The following BCAS3 variants were observed in gnomAD, a reference collection of about 807,000 sequenced individuals.
BCAS3 encodes BCAS3 microtubule associated cell migration factor.
BCAS3 carries 53 observed loss-of-function variants against 116.1 expected under a neutral mutation model. The observed-to-expected ratio is 0.46, with a 90% CI of 0.37 to 0.57. The LOEUF is 0.57. Among genes scored for constraint, BCAS3 ranks in the 20% least tolerant of loss-of-function variants. The pLI is 0.00. For synonymous variants in BCAS3, 391 were observed against 408.2 expected (o/e 0.96, Z 0.51); for missense variants, 917 against 1,165.4 (o/e 0.79, Z 3.10).
Position 61,204,750 on chromosome 17 carries a change from C to G in BCAS3, c.2425+120186C>G, listed in dbSNP as rs776043033. ...TTATTAATAAGCATTTAGAAAAACT[C>G]GACAAAAAATTAAAGAATTGGCCTG... On this transcript the variant is annotated intron_variant, in intron 22 of 23. Coordinates refer to ENST00000407086, the MANE Select transcript of BCAS3 (RefSeq NM_017679.5). This position sits in a 1 kb window ranked among gnomAD's most constrained non-coding sequence, Gnocchi z 4.2. 6.6e-6 allele frequency among the ~76,000 whole-genome samples: 1 copy of G among 151,724 alleles called. No individual in the cohort carries two copies.
chr17:61,065,862 G>A lies in BCAS3; in HGVS notation c.2030-9058G>A, dbSNP rs760024328. ...TGATTTTTCACTTATAAATCAGTGTGAGTTTTAAATTTATAATTAAACTTA... is the reference window on the plus strand; with the variant it reads ...TGATTTTTCACTTATAAATCAGTGTAAGTTTTAAATTTATAATTAAACTTA... On this transcript the variant is annotated intron_variant, in intron 19 of 23. Transcript: ENST00000407086. The surrounding 1 kb of genome is among the most constrained non-coding windows in gnomAD (Gnocchi z 4.8). Among the ~76,000 whole-genome samples, 10 of 152,088 alleles carry A rather than the reference G, an allele frequency of 6.6e-5. No homozygotes were observed. Among genetic ancestry groups the A allele is most frequent in the Non-Finnish European group, 1.3e-4 (9 of 68,000 alleles).
intron 7 of BCAS3, among the ~76,000 whole-genome samples, chr17:60,814,304 T>TGCACGCGCGC (rs59755143): frequency 7.3e-6 from 1 of 136,704 alleles, no homozygotes; most frequent in African/African-American, 3.0e-5. Context: ...TGTGTGTGTG[T>TGCACGCGCGC]GTGCGCGCGT....
chr17:60,902,840 T>A, intron 11 of BCAS3, 137 bp downstream of exon 11: 3 of 677,598 alleles, frequency 4.4e-6, no homozygotes, highest in African/African-American at 1.8e-5. Context: ...GTCTGTTAAC[T>A]AGCTTCAAGA....
chr17:60,761,314 T>G (rs1391553073), intron 6 of BCAS3, among the ~76,000 whole-genome samples: 1 of 152,130 alleles, frequency 6.6e-6, no homozygotes, highest in Non-Finnish European at 1.5e-5. Context: ...CTGCACCCAT[T>G]AACTCGTCAT....
intron 6 of BCAS3, among the ~76,000 whole-genome samples, chr17:60,803,450 C>T (rs543180425): frequency 6.6e-6 from 1 of 152,240 alleles, no homozygotes; most frequent in African/African-American, 2.4e-5. Context: ...CATGCACAAC[C>T]TTGAACTTTT....
At chr17:61,308,853 T>C (rs1209123109) in intron 22 of BCAS3, among the ~76,000 whole-genome samples, 1 of 152,230 alleles carries the variant, frequency 6.6e-6, no homozygotes, top group Admixed American at 6.5e-5. Flanking sequence ...TCACCTTCTT[T>C]ATTACTTGGC....
At chr17:60,751,551 T>G (rs75819057) in intron 6 of BCAS3, among the ~76,000 whole-genome samples, 1 of 22,950 alleles carries the variant, frequency 4.4e-5, no homozygotes, top group Non-Finnish European at 9.9e-4. Flanking sequence ...TCTTTTTTTT[T>G]TTTTTTTTGA....
intron 15 of BCAS3, among the ~76,000 whole-genome samples, chr17:60,998,001 C>T (rs1267981626): frequency 6.6e-6 from 1 of 152,132 alleles, no homozygotes; most frequent in Non-Finnish European, 1.5e-5. Flanking sequence ...CACCCTTTTC[C>T]TCCCCACTTT....
rs1243753941 is a variant in BCAS3 at position 61,136,391 on chromosome 17, C to T, written c.2425+51827C>T. Among the ~76,000 whole-genome samples, 6 of 152,160 alleles carry T rather than the reference C, an allele frequency of 3.9e-5. No individual in the cohort carries two copies. Among genetic ancestry groups the T allele is most frequent in the Non-Finnish European group, 7.3e-5 (5 of 68,032 alleles). Reference sequence around the variant, plus strand: ...ATATCTGTAGAACAGGGTTTCTCAGCGTAAGTACTGAAGGTATTTTGGACT... The same window carrying T: ...ATATCTGTAGAACAGGGTTTCTCAGTGTAAGTACTGAAGGTATTTTGGACT... On this transcript the variant is annotated intron_variant, in intron 22 of 23. Coordinates refer to ENST00000407086, the MANE Select transcript of BCAS3 (RefSeq NM_017679.5). This position sits in a 1 kb window ranked among gnomAD's most constrained non-coding sequence, Gnocchi z 4.4.
chr17:61,273,075 C>A (rs1422644058), intron 22 of BCAS3, among the ~76,000 whole-genome samples: 1 of 151,612 alleles, frequency 6.6e-6, no homozygotes, highest in Non-Finnish European at 1.5e-5. Flanking sequence ...ATTCTCTTAG[C>A]TTTTGTCTAA....
intron 22 of BCAS3, among the ~76,000 whole-genome samples, chr17:61,270,130 T>C (rs993525743): frequency 2.1e-5 from 3 of 144,208 alleles, no homozygotes; most frequent in African/African-American, 7.8e-5. Context: ...TTTTTTTTTT[T>C]TTTTTTTGAG....
intron 7 of BCAS3, among the ~76,000 whole-genome samples, chr17:60,861,064 C>T (rs2054116457): frequency 6.6e-6 from 1 of 152,052 alleles, no homozygotes; most frequent in Non-Finnish European, 1.5e-5. Flanking sequence ...AGCATTGAAA[C>T]TGTAAGTTGC....
chr17:61,139,033 A>C lies in BCAS3; in HGVS notation c.2425+54469A>C, dbSNP rs544885968. Among the ~76,000 whole-genome samples, 3 of 152,270 alleles carry C rather than the reference A, an allele frequency of 2.0e-5. No individual in the cohort carries two copies. The highest frequency in any genetic ancestry group is 4.4e-5 in the Non-Finnish European group (3 of 68,014). On this transcript the variant is annotated intron_variant, in intron 22 of 23. Transcript: ENST00000407086. This position sits in a 1 kb window ranked among gnomAD's most constrained non-coding sequence, Gnocchi z 4.7. Reference sequence around the variant, plus strand: ...AAACCCACTTTATGCTTTTGCTTACATTTGTTTATTAAATCTATTAGATCT... The same window carrying C: ...AAACCCACTTTATGCTTTTGCTTACCTTTGTTTATTAAATCTATTAGATCT...
chr17:60,890,460 G>GA (rs903010300), intron 10 of BCAS3, among the ~76,000 whole-genome samples: 71 of 142,236 alleles, frequency 5.0e-4, no homozygotes, highest in South Asian at 1.1e-3. Flanking sequence ...CTCAAAAAAG[G>GA]AAAAAAAAAA....
At chr17:60,730,564 A>C (rs2040357647) in intron 5 of BCAS3, among the ~76,000 whole-genome samples, 1 of 152,160 alleles carries the variant, frequency 6.6e-6, no homozygotes, top group Admixed American at 6.5e-5. Context: ...AGGCAGGCAA[A>C]AAACAAAACA....
intron 7 of BCAS3, among the ~76,000 whole-genome samples, chr17:60,834,085 A>G (rs1339978723): frequency 2.0e-5 from 3 of 152,108 alleles, no homozygotes; most frequent in Non-Finnish European, 2.9e-5. Context: ...ATGTGGCTTT[A>G]TCACAAATTA....
rs571624017 is a variant in BCAS3 at position 61,377,715 on chromosome 17, G to A, written c.2593+9221G>A. 5 of 152,204 alleles carry A rather than the reference G, an allele frequency of 3.3e-5. No individual in the cohort carries two copies. The highest frequency in any genetic ancestry group is 1.2e-4 in the African/African-American group (5 of 41,426). 9.4% of individuals were successfully genotyped at this position (152,204 alleles called of 1,614,324 possible). The stretch of plus-strand genomic sequence containing the variant: ...GTCTCTCTCTTTTACTCCTCTCCAC[G>A]ATAGCAGTGGCCACACCTCCCGTGG... On this transcript the variant is annotated intron_variant, in intron 23 of 23. Transcript: ENST00000407086. This position sits in a 1 kb window ranked among gnomAD's most constrained non-coding sequence, Gnocchi z 4.6.
chr17:60,989,554 C>G (rs1266384639), intron 14 of BCAS3, among the ~76,000 whole-genome samples: 4 of 151,050 alleles, frequency 2.6e-5, no homozygotes, highest in Non-Finnish European at 5.9e-5. Context: ...AAGAGTAGAG[C>G]TGAGTAACTG....
rs1191338978 is a variant in BCAS3, at chr17:61,307,603, G to A, written c.2426-60724G>A. On this transcript the variant is annotated intron_variant, in intron 22 of 23. Transcript: ENST00000407086. This position sits in a 1 kb window ranked among gnomAD's most constrained non-coding sequence, Gnocchi z 4.7. Reference sequence around the variant, plus strand: ...AATGAGATTTTACCAAAATAAATTAGCGTTCATAAATAAAAGGAGCTATAT... The same window carrying A: ...AATGAGATTTTACCAAAATAAATTAACGTTCATAAATAAAAGGAGCTATAT... 6.6e-6 allele frequency among the ~76,000 whole-genome samples: 1 copy of A among 152,166 alleles called. No individual in the cohort carries two copies. Among genetic ancestry groups the A allele is most frequent in the Admixed American group, 6.5e-5 (1 of 15,274 alleles).
Sources: allele counts gnomAD v4.1 joint callset (sites outside exome capture counted in the v4.1 genomes callset), GRCh38; gene constraint gnomAD v4.1.1; non-coding constraint Gnocchi (gnomAD v3.1); transcripts MANE v1.5; gene names NCBI Gene and HGNC (gene_info 2026-07-23, HGNC 2026-07-21).